SPINDOC: variants seen among roughly 807,000 people sequenced by gnomAD.
SPINDOC encodes spindlin interactor and repressor of chromatin binding.
A neutral mutation model predicts 30.7 loss-of-function variants in SPINDOC; 13 were observed. The ratio of observed to expected loss-of-function variants is 0.42; its 90% CI spans 0.28 to 0.67. SPINDOC has a LOEUF of 0.67. Among genes scored for constraint, SPINDOC ranks in the 30% least tolerant of loss-of-function variants. SPINDOC has a pLI of 0.22. For synonymous variants in SPINDOC, 228 were observed against 211.4 expected, an observed-to-expected ratio of 1.08 and a Z score of -0.68; for missense variants, 438 against 518.0, an observed-to-expected ratio of 0.85 and a Z score of 1.50.
chr11:63,813,604 CA>C lies in SPINDOC; in HGVS notation c.-82del, dbSNP rs1287714014. ...GCGGCGGGCCCGGCGCTATTCCGGC[CA>C]GGAGGCGGGAGGCGGTTGCCGGCTG... is the stretch of plus-strand genomic sequence containing the variant. On this transcript the variant is annotated 5_prime_UTR_variant, in exon 1 of 6. Coordinates refer to ENST00000294244, the MANE Select transcript of SPINDOC (RefSeq NM_138471.3). The C allele has an allele frequency of 1.5e-6, 2 of 1,323,056 alleles. No individual in the cohort carries two copies. The highest frequency in any genetic ancestry group is 6.8e-5 in the East Asian group (2 of 29,302). The allele number at this position is 1,323,056 out of a possible 1,614,324, so 82.0% of individuals were successfully genotyped here.
intron 5 of SPINDOC, chr11:63,823,393 A>T: frequency 8.6e-7 from 1 of 1,160,522 alleles, no homozygotes; most frequent in Non-Finnish European, 1.1e-6. Flanking sequence ...AAAATCGTGG[A>T]TTTAACAGTT....
rs2015679250 is a variant in SPINDOC at position 63,827,309 on chromosome 11, T to C, written c.*170T>C. 1 of 1,293,804 alleles carries C rather than the reference T, an allele frequency of 7.7e-7. No homozygotes were observed. The highest frequency in any genetic ancestry group is 1.5e-5 in the African/African-American group (1 of 67,956). 80.1% of individuals were successfully genotyped at this position (1,293,804 alleles called of 1,614,324 possible). ...ATTTCGGGGCACTGGAAAGTGTCTG[T>C]TCCTGGCCAGGCCTGAGGTCGGCGA... On this transcript the variant is annotated 3_prime_UTR_variant, in exon 6 of 6. Coordinates refer to ENST00000294244, the MANE Select transcript of SPINDOC (RefSeq NM_138471.3).
At chr11:63,822,900 TG>T in intron 5 of SPINDOC, 4 of 1,286,044 alleles carry the variant, frequency 3.1e-6, no homozygotes, top group Non-Finnish European at 4.1e-6. Flanking sequence ...TTGGGGTGAG[TG>T]GGCAAAGTCT....
chr11:63,817,878 G>A lies in SPINDOC; in HGVS notation c.201G>A (p.Pro67=), dbSNP rs751270526. Residue 67 remains proline (P), a synonymous_variant, in exon 2 of 6, where the codon CCG becomes CCA. Transcript: ENST00000294244. ...LEAGSDGCEE[P]KQQVSWEQEF... The stretch of plus-strand genomic sequence containing the variant: ...CAGGCAGTGATGGCTGTGAGGAGCC[G>A]AAGCAGCAGGTGTCTTGGGAGCAGG... 1.4e-5 allele frequency: 22 copies of A among 1,612,338 alleles called. No homozygotes were observed. Among genetic ancestry groups the A allele is most frequent in the Admixed American group, 1.0e-4 (6 of 59,682 alleles).
At chr11:63,814,398 G>A (rs1354340880) in intron 1 of SPINDOC, among the ~76,000 whole-genome samples, 1 of 152,030 alleles carries the variant, frequency 6.6e-6, no homozygotes, top group African/African-American at 2.4e-5. Context: ...AGGGATGAAT[G>A]GGACTGCATA....
In SPINDOC at chr11:63,813,678, G is replaced by A. The variant is rs767233853; in HGVS notation, c.-9G>A. Reference sequence around the variant, plus strand: ...TCCTCCGGCCACTGCTATCGCCCACGGCCGCACCATGGCCCTAAAGGCCGA... The same window carrying A: ...TCCTCCGGCCACTGCTATCGCCCACAGCCGCACCATGGCCCTAAAGGCCGA... On this transcript the variant is annotated 5_prime_UTR_variant, in exon 1 of 6. Coordinates refer to ENST00000294244, the MANE Select transcript of SPINDOC (RefSeq NM_138471.3). 10 of 1,553,182 alleles carry A rather than the reference G, an allele frequency of 6.4e-6. No homozygotes were observed. In the African/African-American group the frequency reaches 9.7e-5, roughly 15 times the overall value.
At chr11:63,822,996 G>A (rs570499495) in intron 5 of SPINDOC, 491 of 1,050,486 alleles carry the variant, frequency 4.7e-4, no homozygotes, top group Non-Finnish European at 6.1e-4. Context: ...GGCAGCCTTC[G>A]TGGAGGTTGG....
At chr11:63,817,508 G>T (rs187741420) in intron 1 of SPINDOC, among the ~76,000 whole-genome samples, 1 of 152,194 alleles carries the variant, frequency 6.6e-6, no homozygotes, top group Non-Finnish European at 1.5e-5. Flanking sequence ...CTGGACAGAT[G>T]TGCAAAGGCT....
intron 5 of SPINDOC, among the ~76,000 whole-genome samples, chr11:63,820,341 T>C (rs1318146167): frequency 7.0e-6 from 1 of 142,336 alleles, no homozygotes; most frequent in Non-Finnish European, 1.5e-5. Flanking sequence ...GAAGTTGCAG[T>C]GAGCCGAGAT....
chr11:63,816,750 G>A (rs1046532939), intron 1 of SPINDOC, among the ~76,000 whole-genome samples: 2 of 152,192 alleles, frequency 1.3e-5, no homozygotes, highest in Non-Finnish European at 2.9e-5. Flanking sequence ...AAAGGGTGAT[G>A]CCCTGTGAAA....
intron 5 of SPINDOC, among the ~76,000 whole-genome samples, chr11:63,819,956 G>C (rs569284847): frequency 1.3e-5 from 2 of 152,332 alleles, no homozygotes; most frequent in East Asian, 3.9e-4. Flanking sequence ...CTGAGGCCCA[G>C]ATGGGGCCAC....
intron 1 of SPINDOC, among the ~76,000 whole-genome samples, 182 bp downstream of exon 1, chr11:63,813,995 G>A (rs1770448799): frequency 6.6e-6 from 1 of 152,186 alleles, no homozygotes; most frequent in Admixed American, 6.5e-5. Flanking sequence ...TGGTTTAGAA[G>A]CTCAGGCCTC....
chr11:63,819,565 C>T (rs376351390), intron 5 of SPINDOC, among the ~76,000 whole-genome samples: 10 of 151,760 alleles, frequency 6.6e-5, no homozygotes, highest in African/African-American at 2.2e-4. Context: ...GGCGCGATCT[C>T]GGTTCAGTGC....
chr11:63,817,192 AATT>A (rs537207177), intron 1 of SPINDOC, among the ~76,000 whole-genome samples: 143 of 150,064 alleles, frequency 9.5e-4, no homozygotes, highest in African/African-American at 3.4e-3. Flanking sequence ...TTAAAAAAAA[AATT>A]ATTAGCCAGG....
intron 5 of SPINDOC, among the ~76,000 whole-genome samples, chr11:63,825,883 A>G (rs2015643527): frequency 6.6e-6 from 1 of 152,140 alleles, no homozygotes; most frequent in African/African-American, 2.4e-5. Context: ...AATCCTTCCC[A>G]ATATAGACAG....
At chr11:63,816,322 G>A (rs748399680) in intron 1 of SPINDOC, among the ~76,000 whole-genome samples, 3 of 152,176 alleles carry the variant, frequency 2.0e-5, no homozygotes, top group East Asian at 1.9e-4. Flanking sequence ...TGCCCTAGAC[G>A]CAAGTGATGA....
intron 5 of SPINDOC, chr11:63,822,817 A>G: frequency 7.8e-7 from 1 of 1,289,054 alleles, no homozygotes; most frequent in South Asian, 1.2e-5. Context: ...GTCCTGGGGT[A>G]CCCTGTGCGC....
chr11:63,827,673 G>C lies in SPINDOC; in HGVS notation c.*534G>C, dbSNP rs2015689695. 1 of 163,714 alleles carries C rather than the reference G, an allele frequency of 6.1e-6. No homozygotes were observed. Among genetic ancestry groups the C allele is most frequent in the Non-Finnish European group, 1.4e-5 (1 of 73,548 alleles). 10.1% of individuals were successfully genotyped at this position (163,714 alleles called of 1,614,324 possible). ...TCTCATTTACATCTGTTTTCCTGTT[G>C]TATATATCACCTTTGTTGACAATAA... On this transcript the variant is annotated 3_prime_UTR_variant, in exon 6 of 6. Transcript: ENST00000294244.
chr11:63,825,887 T>G (rs573278627), intron 5 of SPINDOC, among the ~76,000 whole-genome samples: 27 of 152,050 alleles, frequency 1.8e-4, no homozygotes, highest in Non-Finnish European at 2.9e-4. Context: ...CTTCCCAATA[T>G]AGACAGTGCA....
Sources: allele counts gnomAD v4.1 joint callset (sites outside exome capture counted in the v4.1 genomes callset), GRCh38; gene constraint gnomAD v4.1.1; transcripts MANE v1.5; gene names NCBI Gene and HGNC (gene_info 2026-07-23, HGNC 2026-07-21).